The following SRRM2 variants were observed in gnomAD, a reference collection of about 807,000 sequenced individuals.
The protein encoded by SRRM2 is serine/arginine repetitive matrix protein 2.
SRRM2 carries 30 observed loss-of-function variants against 213.8 expected under a neutral mutation model. The observed-to-expected ratio is 0.14, with a 90% CI of 0.10 to 0.19. The LOEUF (loss-of-function observed/expected upper bound fraction) is 0.19. Ranked by LOEUF, SRRM2 falls within the 10% of genes least tolerant of loss-of-function variation. SRRM2 has a pLI of 1.00. For synonymous variants in SRRM2, 2,025 were observed against 1,377.7 expected, an observed-to-expected ratio of 1.47 and a Z score of -10.40; for missense variants, 4,904 against 3,647.0, an observed-to-expected ratio of 1.34 and a Z score of -8.88.
At position 2,764,710 on chromosome 16, in the gene SRRM2, A is replaced by G; in HGVS notation, c.4182A>G (p.Ala1394=). 2 of 1,614,146 alleles carry G rather than the reference A, an allele frequency of 1.2e-6. No homozygotes were observed. Among genetic ancestry groups the G allele is most frequent in the Non-Finnish European group, 1.7e-6 (2 of 1,180,044 alleles). Residue 1394 remains alanine (A), a synonymous_variant, in exon 11 of 15, where the codon GCA becomes GCG. Coordinates refer to ENST00000301740, the MANE Select transcript of SRRM2 (RefSeq NM_016333.4). ...TATCCCCAGATGCAGTGGAAAAGGC[A>G]GGGATGTCTTCAAATCAGAGCATCT... The part of the protein sequence containing the change: ...SELSPDAVEK[A]GMSSNQSISS...
rs1348669728 is a variant in SRRM2 at position 2,766,747 on chromosome 16, A to G, written c.6219A>G (p.Pro2073=). Residue 2073 remains proline (P), a synonymous_variant, in exon 11 of 15, where the codon CCA becomes CCG. Coordinates refer to ENST00000301740, the MANE Select transcript of SRRM2 (RefSeq NM_016333.4). This position sits in a 1 kb window ranked among gnomAD's most constrained non-coding sequence, Gnocchi z 7.0. The part of the protein sequence containing the change: ...RGKRSLTRSP[P]AIRRRSASGS... ...AACGGTCCTTAACAAGATCTCCTCC[A>G]GCCATCCGCAGGCGTTCTGCATCTG... The G allele has an allele frequency of 1.9e-6, 3 of 1,614,080 alleles. No individual in the cohort carries two copies. The highest frequency in any genetic ancestry group is 2.5e-6 in the Non-Finnish European group (3 of 1,180,040).
At chr16:2,769,565 C>T (rs1028783494) in intron 12 of SRRM2, 2 of 647,588 alleles carry the variant, frequency 3.1e-6, no homozygotes, top group East Asian at 2.9e-5. Flanking sequence ...AGCTTTGTCT[C>T]CCTGTTGCTA....
rs767992269 is a variant in SRRM2 at position 2,769,140 on chromosome 16, C to T, written c.7877C>T (p.Ser2626Phe). The change falls in exon 12 of 15, where the codon TCT becomes TTT. Residue 2626 changes from serine to phenylalanine, a missense_variant. Physicochemically the swap from Ser to Phe is radical, Grantham distance 155. Coordinates refer to ENST00000301740, the MANE Select transcript of SRRM2 (RefSeq NM_016333.4). Reference sequence around the variant, plus strand: ...TCTTCCTCCTCCTCCTCCTCCTCCTCTTCTTCCTCCTCCTCTTCCTCTTCT... The same window carrying T: ...TCTTCCTCCTCCTCCTCCTCCTCCTTTTCTTCCTCCTCCTCTTCCTCTTCT... Reference protein sequence around the residue: ...SSSSSSSSSSSSSSSSSSSSS... With the variant: ...SSSSSSSSSSFSSSSSSSSSS... 9.3e-6 allele frequency: 15 copies of T among 1,610,246 alleles called. No individual in the cohort carries two copies. The highest frequency in any genetic ancestry group is 6.7e-5 in the African/African-American group (5 of 74,766).
chr16:2,759,345 T>C lies in SRRM2; in HGVS notation c.690-7T>C, dbSNP rs777924298. 5 of 1,605,546 alleles carry C rather than the reference T, an allele frequency of 3.1e-6. No individual in the cohort carries two copies. Among genetic ancestry groups the C allele is most frequent in the South Asian group, 1.1e-5 (1 of 88,582 alleles). On this transcript the variant is annotated splice_region_variant and splice_polypyrimidine_tract_variant and intron_variant, in intron 7 of 14. Transcript: ENST00000301740. ...GTTACTTTTAACAACCTTTCCTTATTTCCCAGGTCTCCCACTCCAAAGAGC... is the reference window on the plus strand; with the variant it reads ...GTTACTTTTAACAACCTTTCCTTATCTCCCAGGTCTCCCACTCCAAAGAGC...
At position 2,762,255 on chromosome 16, in the gene SRRM2, G is replaced by C; in HGVS notation, c.1727G>C (p.Arg576Thr). 1.9e-6 allele frequency: 3 copies of C among 1,604,924 alleles called. No homozygotes were observed. The highest frequency in any genetic ancestry group is 2.3e-5 in the East Asian group (1 of 43,014). The change falls in exon 11 of 15, where the codon AGA (arginine) becomes ACA (threonine). Residue 576 changes from arginine (R) to threonine (T), a missense_variant. By Grantham distance (71) the Arg-to-Thr change is moderately conservative (BLOSUM62 -1). Transcript: ENST00000301740. ...SPATRGRSRSRTPARRGRSRS... is the reference protein window; with the variant it reads ...SPATRGRSRSTTPARRGRSRS... ...GCCACTAGGGGTAGATCTCGTTCTA[G>C]AACACCAGCCCGCCGGGGCAGGTCC...
rs3180124 is a variant in SRRM2 at position 2,759,871 on chromosome 16, A to G, written c.833+210A>G. On this transcript the variant is annotated intron_variant, in intron 9 of 14. Coordinates refer to ENST00000301740, the MANE Select transcript of SRRM2 (RefSeq NM_016333.4). ...TTTTTTTTGTTTTTGTTTATTTGTT[A>G]TTTTTGTTTCGTTCTGATGTATATG... is the stretch of plus-strand genomic sequence containing the variant. The G allele has an allele frequency of 4.9e-5, 27 of 554,312 alleles. No homozygotes were observed. In the Admixed American group the frequency reaches 7.4e-4, roughly 15 times the overall value. 34.3% of individuals were successfully genotyped at this position (554,312 alleles called of 1,614,324 possible).
chr16:2,765,123 C>A lies in SRRM2; in HGVS notation c.4595C>A (p.Pro1532His), dbSNP rs772805565. 5 of 1,614,118 alleles carry A rather than the reference C, an allele frequency of 3.1e-6. No individual in the cohort carries two copies. Among genetic ancestry groups the A allele is most frequent in the Non-Finnish European group, 4.2e-6 (5 of 1,180,024 alleles). ...GATCAGAAAACTGTGGCTCGGACTC[C>A]CCTGGGGCAGAGAAGTCGTTCGGGA... ...SVDQKTVART[P>H]LGQRSRSGSS... The change falls in exon 11 of 15, where the codon CCC (proline) becomes CAC (histidine). Residue 1532 changes from proline (P) to histidine (H), a missense_variant. Coordinates refer to ENST00000301740, the MANE Select transcript of SRRM2 (RefSeq NM_016333.4).
chr16:2,760,203 C>T (rs1464890547), intron 9 of SRRM2, 98 bp from the exon 10 acceptor site: 2 of 1,212,852 alleles, frequency 1.6e-6, no homozygotes, highest in African/African-American at 1.5e-5. Context: ...AGAGGGTTGT[C>T]CAGTTAGGAA....
chr16:2,770,770 GGTGGCGGCCCCATTTTGGGA>G (rs2068718363), intron 14 of SRRM2, 53 bp downstream of exon 14: 3 of 1,603,008 alleles, frequency 1.9e-6, no homozygotes, highest in South Asian at 1.1e-5. Context: ...TGTGGTGGTG[GGTGGCGGCCCCATTTTGGGA>G]GTGGCCCAGA....
Position 2,769,102 on chromosome 16 carries a change from C to T in SRRM2, c.7839C>T (p.Ser2613=), listed in dbSNP as rs1567247189. The T allele has an allele frequency of 3.1e-6, 5 of 1,613,870 alleles. No homozygotes were observed. The highest frequency in any genetic ancestry group is 3.4e-6 in the Non-Finnish European group (4 of 1,179,874). The change falls in exon 12 of 15, where the codon AGC becomes AGT. Residue 2613 remains serine, a synonymous_variant. Transcript: ENST00000301740. The part of the protein sequence containing the change: ...RKRRSSSSSS[S]SSSSSSSSSS... ...GGCGCTCTAGCAGTTCCAGTTCCAGCTCCTCCTCTTCATCTTCCTCCTCCT... is the reference window on the plus strand; with the variant it reads ...GGCGCTCTAGCAGTTCCAGTTCCAGTTCCTCCTCTTCATCTTCCTCCTCCT...
rs1234408136 is a variant in SRRM2 at position 2,767,718 on chromosome 16, C to T, written c.7190C>T (p.Thr2397Ile). ...LSAYERVSGR[T>I]SPPLLDRARS... ...GCCTACGAGCGTGTCAGTGGCAGAA[C>T]CTCACCACCGCTCCTTGACCGAGCT... Residue 2397 changes from threonine to isoleucine, a missense_variant, in exon 11 of 15, where the codon ACC becomes ATC. Coordinates refer to ENST00000301740, the MANE Select transcript of SRRM2 (RefSeq NM_016333.4). 3.1e-6 allele frequency: 5 copies of T among 1,613,844 alleles called. No individual in the cohort carries two copies. Among genetic ancestry groups the T allele is most frequent in the South Asian group, 2.2e-5 (2 of 91,062 alleles).
rs779028500 is a variant in SRRM2, at chr16:2,761,673, C to G, written c.1145C>G (p.Ala382Gly). 2 of 1,596,778 alleles carry G rather than the reference C, an allele frequency of 1.3e-6. No individual in the cohort carries two copies. The highest frequency in any genetic ancestry group is 1.3e-5 in the African/African-American group (1 of 74,114). Residue 382 changes from alanine (A) to glycine (G), a missense_variant, in exon 11 of 15, where the codon GCA (alanine) becomes GGA (glycine). By Grantham distance (60) the Ala-to-Gly change is moderately conservative. Coordinates refer to ENST00000301740, the MANE Select transcript of SRRM2 (RefSeq NM_016333.4). Reference protein sequence around the residue: ...ERHGGSPQPLATTPLSQEPVN... With the variant: ...ERHGGSPQPLGTTPLSQEPVN... ...CATGGCGGCTCCCCACAACCCCTTG[C>G]AACCACCCCCTTAAGCCAGGAGCCA...
chr16:2,763,343 A>C lies in SRRM2; in HGVS notation c.2815A>C (p.Ser939Arg), dbSNP rs1343070820. Residue 939 changes from serine (S) to arginine (R), a missense_variant, in exon 11 of 15, where the codon AGT (serine) becomes CGT (arginine). By Grantham distance (110) the Ser-to-Arg change is moderately radical. Transcript: ENST00000301740. ...SHSGSSSPSP[S>R]RVTSRTTPRR... Reference sequence around the variant, plus strand: ...TTCTGGCTCCTCTTCTCCAAGTCCTAGTAGGGTGACGTCGAGAACAACTCC... The same window carrying C: ...TTCTGGCTCCTCTTCTCCAAGTCCTCGTAGGGTGACGTCGAGAACAACTCC... 2 of 1,614,182 alleles carry C rather than the reference A, an allele frequency of 1.2e-6. No homozygotes were observed. The highest frequency in any genetic ancestry group is 2.2e-5 in the South Asian group (2 of 91,082).
chr16:2,765,805 A>C lies in SRRM2; in HGVS notation c.5277A>C (p.Arg1759Ser), dbSNP rs745737635. The C allele has an allele frequency of 6.2e-7, 1 of 1,614,066 alleles. No individual in the cohort carries two copies. The highest frequency in any genetic ancestry group is 8.5e-7 in the Non-Finnish European group (1 of 1,180,026). The change falls in exon 11 of 15, where the codon AGA (arginine) becomes AGC (serine). Residue 1759 changes from arginine to serine, a missense_variant. Coordinates refer to ENST00000301740, the MANE Select transcript of SRRM2 (RefSeq NM_016333.4). ...SSPRTKTTSR[R>S]GRSPSPKPRG... ...CACGCACTAAGACAACCTCAAGGAG[A>C]GGCCGCTCTCCTTCGCCAAAGCCTC...
rs980998996 is a variant in SRRM2, at chr16:2,756,513, T to G, written c.149T>G (p.Val50Gly). 1 of 1,614,024 alleles carries G rather than the reference T, an allele frequency of 6.2e-7. No homozygotes were observed. Among genetic ancestry groups the G allele is most frequent in the Non-Finnish European group, 8.5e-7 (1 of 1,179,964 alleles). ...CTGCGGCGCCTGGAGGCTGCCCTGGTGAAGCGGCCTAATCCTGACATCCTG... is the reference window on the plus strand; with the variant it reads ...CTGCGGCGCCTGGAGGCTGCCCTGGGGAAGCGGCCTAATCCTGACATCCTG... ...EELRRLEAALVKRPNPDILDH... is the reference protein window; with the variant it reads ...EELRRLEAALGKRPNPDILDH... The change falls in exon 2 of 15, where the codon GTG becomes GGG. Residue 50 changes from valine to glycine, a missense_variant. Physicochemically the swap from Val to Gly is moderately radical, Grantham distance 109 (BLOSUM62 -3). Coordinates refer to ENST00000301740, the MANE Select transcript of SRRM2 (RefSeq NM_016333.4).
chr16:2,761,316 G>A (rs999019801), intron 10 of SRRM2, among the ~76,000 whole-genome samples: 1 of 152,202 alleles, frequency 6.6e-6, no homozygotes, highest in African/African-American at 2.4e-5. Context: ...TTTGTTAAAT[G>A]TAGTAGTGCA....
Position 2,756,511 on chromosome 16 carries a change from G to A in SRRM2, c.147G>A (p.Leu49=). 6.2e-7 allele frequency: 1 copy of A among 1,614,076 alleles called. No individual in the cohort carries two copies. Among genetic ancestry groups the A allele is most frequent in the Non-Finnish European group, 8.5e-7 (1 of 1,179,966 alleles). The change falls in exon 2 of 15, where the codon CTG becomes CTA. Residue 49 remains leucine, a synonymous_variant. Transcript: ENST00000301740. ...EEELRRLEAA[L]VKRPNPDILD... Reference sequence around the variant, plus strand: ...AACTGCGGCGCCTGGAGGCTGCCCTGGTGAAGCGGCCTAATCCTGACATCC... The same window carrying A: ...AACTGCGGCGCCTGGAGGCTGCCCTAGTGAAGCGGCCTAATCCTGACATCC...
rs1567231572 is a variant in SRRM2, at chr16:2,763,288, G to A, written c.2760G>A (p.Lys920=). Reference sequence around the variant, plus strand: ...CATCATCTCCACAACCCAAAGTGAAGGCAATAATATCACCAAGACAAAGAA... The same window carrying A: ...CATCATCTCCACAACCCAAAGTGAAAGCAATAATATCACCAAGACAAAGAA... ...SRSSSPQPKV[K]AIISPRQRSH... Residue 920 remains lysine (K), a synonymous_variant, in exon 11 of 15, where the codon AAG becomes AAA. Coordinates refer to ENST00000301740, the MANE Select transcript of SRRM2 (RefSeq NM_016333.4). 1.9e-6 allele frequency: 3 copies of A among 1,614,142 alleles called. No homozygotes were observed. Among genetic ancestry groups the A allele is most frequent in the Non-Finnish European group, 2.5e-6 (3 of 1,180,018 alleles).
At chr16:2,769,464 G>A in intron 12 of SRRM2, 180 bp downstream of exon 12, 1 of 737,200 alleles carries the variant, frequency 1.4e-6, no homozygotes, top group Non-Finnish European at 2.2e-6. Context: ...GCGAAGGGCT[G>A]CGCCATCCAC....
Sources: gnomAD v4.1 joint callset for allele counts (sites outside exome capture counted in the v4.1 genomes callset) on GRCh38, gnomAD v4.1.1 for gene constraint, Gnocchi (gnomAD v3.1) non-coding constraint, MANE v1.5 for transcripts, NCBI Gene and HGNC (gene_info 2026-07-23, HGNC 2026-07-21) for gene names.